The following SYNPR variants were observed in gnomAD, a reference collection of about 807,000 sequenced individuals.
The protein encoded by SYNPR is synaptoporin.
SYNPR carries 23 observed loss-of-function variants against 32.9 expected under a neutral mutation model. The ratio of observed to expected loss-of-function variants is 0.70; its 90% CI spans 0.50 to 0.99. The LOEUF (loss-of-function observed/expected upper bound fraction) is 0.99, where lower values mean the gene tolerates loss of function less well. Among genes scored for constraint, SYNPR ranks in the 50% least tolerant of loss-of-function variants. SYNPR has a pLI of 0.00. For synonymous variants in SYNPR, 146 were observed against 135.9 expected (o/e 1.07, Z -0.52); for missense variants, 318 against 349.3 (o/e 0.91, Z 0.71).
chr3:63,244,036 TAG>T (rs1470045039), intron 1 of SYNPR, among the ~76,000 whole-genome samples: 3 of 151,966 alleles, frequency 2.0e-5, no homozygotes, highest in African/African-American at 7.2e-5. Context: ...ACAAAGGTAA[TAG>T]AATAGCTAAG....
intron 2 of SYNPR, among the ~76,000 whole-genome samples, chr3:63,258,540 C>T (rs2086408527): frequency 6.6e-6 from 1 of 152,178 alleles, no homozygotes; most frequent in Non-Finnish European, 1.5e-5. Flanking sequence ...AAAGACACAA[C>T]ATACCAGAAT....
intron 4 of SYNPR, among the ~76,000 whole-genome samples, chr3:63,573,679 A>G (rs949765683): frequency 2.0e-5 from 3 of 152,152 alleles, no homozygotes; most frequent in Non-Finnish European, 4.4e-5. Flanking sequence ...AGGATGTCCA[A>G]GAAACACCAT....
At chr3:63,551,261 T>C (rs1229301375) in intron 3 of SYNPR, among the ~76,000 whole-genome samples, 1 of 152,236 alleles carries the variant, frequency 6.6e-6, no homozygotes, top group Non-Finnish European at 1.5e-5. Context: ...TTTACTTTTT[T>C]GACAAATAAT....
intron 2 of SYNPR, among the ~76,000 whole-genome samples, chr3:63,399,016 T>C (rs1305929774): frequency 6.6e-6 from 1 of 152,188 alleles, no homozygotes; most frequent in Middle Eastern, 3.2e-3. Flanking sequence ...ACATGAAGGA[T>C]AGAGACTCAG....
At chr3:63,487,639 A>G (rs1470916850) in intron 3 of SYNPR, among the ~76,000 whole-genome samples, 1 of 152,036 alleles carries the variant, frequency 6.6e-6, no homozygotes, top group Non-Finnish European at 1.5e-5. Context: ...GGGTGCACAT[A>G]TTTAACTGTC....
At chr3:63,528,572 G>A (rs1469163057) in intron 3 of SYNPR, among the ~76,000 whole-genome samples, 1 of 152,048 alleles carries the variant, frequency 6.6e-6, no homozygotes, top group Non-Finnish European at 1.5e-5. Context: ...ACTAAAACGT[G>A]TTGTTTGAGT....
intron 2 of SYNPR, among the ~76,000 whole-genome samples, chr3:63,288,385 CT>C (rs2086706090): frequency 6.6e-6 from 1 of 152,196 alleles, no homozygotes; most frequent in Non-Finnish European, 1.5e-5. Flanking sequence ...ACCAGTACTT[CT>C]TTTATTGAAG....
intron 2 of SYNPR, among the ~76,000 whole-genome samples, chr3:63,380,832 G>T (rs1447080326): frequency 6.6e-6 from 1 of 152,090 alleles, no homozygotes; most frequent in African/African-American, 2.4e-5. Context: ...TGCAGAAAAG[G>T]CCTTTGACAA....
intron 2 of SYNPR, chr3:63,445,717 G>C: frequency 1.9e-6 from 1 of 514,424 alleles, no homozygotes; most frequent in Non-Finnish European, 3.5e-6. Flanking sequence ...GGACAAGTAT[G>C]TAACTTACTT....
chr3:63,537,988 T>A (rs1487649154), intron 3 of SYNPR, among the ~76,000 whole-genome samples: 1 of 152,148 alleles, frequency 6.6e-6, no homozygotes, highest in African/African-American at 2.4e-5. Flanking sequence ...ATGAATCTAT[T>A]GCCATAGGAC....
chr3:63,452,665 T>C (rs965188631), intron 2 of SYNPR, among the ~76,000 whole-genome samples: 3 of 134,008 alleles, frequency 2.2e-5, no homozygotes, highest in Non-Finnish European at 3.4e-5. Context: ...ACTATCATTA[T>C]TTTAAGAATG....
At chr3:63,441,260 T>TAA (rs1700165577) in intron 2 of SYNPR, among the ~76,000 whole-genome samples, 2 of 152,224 alleles carry the variant, frequency 1.3e-5, no homozygotes, top group South Asian at 4.2e-4. Flanking sequence ...TGGCAAGGAG[T>TAA]AAATATTCAA....
intron 2 of SYNPR, among the ~76,000 whole-genome samples, chr3:63,377,599 T>C (rs1355307933): frequency 1.3e-5 from 2 of 151,586 alleles, no homozygotes; most frequent in Non-Finnish European, 2.9e-5. Flanking sequence ...CCAGCAAGGA[T>C]GGAACAATCC....
At chr3:63,302,453 A>G (rs2086867092) in intron 2 of SYNPR, among the ~76,000 whole-genome samples, 1 of 152,074 alleles carries the variant, frequency 6.6e-6, no homozygotes, top group Non-Finnish European at 1.5e-5. Flanking sequence ...CATTAAGTCT[A>G]AAGCCACATG....
intron 2 of SYNPR, among the ~76,000 whole-genome samples, chr3:63,322,054 T>A (rs1229506480): frequency 6.6e-6 from 1 of 151,934 alleles, no homozygotes; most frequent in Non-Finnish European, 1.5e-5. Context: ...ATTGCAACAG[T>A]AAGTGAGGAG....
chr3:63,577,132 A>G (rs896931028), intron 4 of SYNPR, among the ~76,000 whole-genome samples: 6 of 152,186 alleles, frequency 3.9e-5, no homozygotes, highest in Admixed American at 3.9e-4. Context: ...ATGGCTATGC[A>G]AATACAATTC....
upstream of SYNPR, among the ~76,000 whole-genome samples, chr3:63,225,672 T>C (rs566350763): frequency 6.6e-6 from 1 of 152,232 alleles, no homozygotes; most frequent in Admixed American, 6.5e-5. Flanking sequence ...AAAGACTAAA[T>C]GTAAGGCTTG....
intron 2 of SYNPR, among the ~76,000 whole-genome samples, chr3:63,333,844 T>G (rs2106987778): frequency 6.6e-6 from 1 of 152,320 alleles, no homozygotes; most frequent in Middle Eastern, 3.4e-3. Flanking sequence ...TCCATTTGTA[T>G]TAAAATAGGA....
chr3:63,486,554 A>C (rs1334395182), intron 3 of SYNPR, among the ~76,000 whole-genome samples: 1 of 152,178 alleles, frequency 6.6e-6, no homozygotes, highest in Non-Finnish European at 1.5e-5. Flanking sequence ...GTTGCACTCA[A>C]ATCTTGATCT....
Sources: gnomAD v4.1 joint callset for allele counts (sites outside exome capture counted in the v4.1 genomes callset) on GRCh38, gnomAD v4.1.1 for gene constraint, MANE v1.5 for transcripts, NCBI Gene and HGNC (gene_info 2026-07-23, HGNC 2026-07-21) for gene names.